The following GNPAT variants were observed in gnomAD, a reference collection of about 807,000 sequenced individuals.
GNPAT encodes the protein glyceronephosphate O-acyltransferase.
Under a neutral mutation model 78.4 loss-of-function variants are expected in GNPAT, and 30 were observed. The observed-to-expected ratio is 0.38, with a 90% CI of 0.29 to 0.52. The LOEUF (loss-of-function observed/expected upper bound fraction) is 0.52. Among genes scored for constraint, GNPAT ranks in the 20% least tolerant of loss-of-function variants. The pLI is 0.84. For missense variants in GNPAT, 714 were observed against 812.2 expected, an observed-to-expected ratio of 0.88 and a Z score of 1.47; for synonymous variants, 271 against 281.1, an observed-to-expected ratio of 0.96 and a Z score of 0.36.
intron 10 of GNPAT, 81 bp from the exon 11 acceptor site, chr1:231,272,231 T>A: frequency 1.3e-6 from 1 of 767,496 alleles, no homozygotes; most frequent in East Asian, 2.6e-5. Flanking sequence ...GAAATACATT[T>A]TGTGATAGTA....
rs1435793692 is a variant in GNPAT at position 231,270,832 on chromosome 1, C to G, written c.1354C>G (p.Gln452Glu). ...HSNIASLVKD[Q>E]VILKVDSGDS... ...CAACATTGCCAGCCTTGTCAAAGAC[C>G]AGGTGATTCTGAAAGTGGACTCCGG... The change falls in exon 10 of 16, where the codon CAG becomes GAG. Residue 452 changes from glutamine to glutamate, a missense_variant. Coordinates refer to ENST00000366647, the MANE Select transcript of GNPAT (RefSeq NM_014236.4). The G allele has an allele frequency of 1.9e-6, 3 of 1,613,966 alleles. No homozygotes were observed. In the South Asian group the frequency reaches 3.3e-5, roughly 18 times the overall value.
At chr1:231,257,585 GTTC>G (rs1208869966) in intron 2 of GNPAT, among the ~76,000 whole-genome samples, 4 of 152,198 alleles carry the variant, frequency 2.6e-5, no homozygotes, top group African/African-American at 9.6e-5. Context: ...TCTTTCATAA[GTTC>G]TTCTGTCTGC....
chr1:231,266,415 C>T lies in GNPAT; in HGVS notation c.1055+8C>T. 1 of 1,612,592 alleles carries T rather than the reference C, an allele frequency of 6.2e-7. No homozygotes were observed. Among genetic ancestry groups the T allele is most frequent in the Non-Finnish European group, 8.5e-7 (1 of 1,178,630 alleles). On this transcript the variant is annotated splice_region_variant and intron_variant, in intron 8 of 15. Coordinates refer to ENST00000366647, the MANE Select transcript of GNPAT (RefSeq NM_014236.4). ...ATATAACTTGGTTCCAAGGTGTGAC[C>T]TGTGTTTTAATAACTGTCTTAGAAA...
Position 231,268,256 on chromosome 1 carries a change from T to C in GNPAT, c.1279+353T>C, listed in dbSNP as rs531998990. 2.6e-5 allele frequency among the ~76,000 whole-genome samples: 4 copies of C among 152,052 alleles called. No individual in the cohort carries two copies. The South Asian group carries it at 8.3e-4, about 32-fold the overall frequency. Reference sequence around the variant, plus strand: ...AGGCGGAGCTTGCAGTGAGCCGAGATTGTGCCACTGCACTCCAGCTAGGCA... The same window carrying C: ...AGGCGGAGCTTGCAGTGAGCCGAGACTGTGCCACTGCACTCCAGCTAGGCA... On this transcript the variant is annotated intron_variant, in intron 9 of 15. Transcript: ENST00000366647.
intron 2 of GNPAT, 105 bp from the exon 3 acceptor site, chr1:231,260,402 T>C (rs1313669778): frequency 8.8e-6 from 7 of 799,282 alleles, no homozygotes; most frequent in African/African-American, 3.4e-5. Flanking sequence ...CTTTGAGTTA[T>C]AGAAGATTAA....
chr1:231,270,094 T>C (rs1685516254), intron 9 of GNPAT: 1 of 154,764 alleles, frequency 6.5e-6, no homozygotes, highest in Non-Finnish European at 1.4e-5. Context: ...TCAGGTTAAC[T>C]GCAGAATAAT....
rs1296725427 is a variant in GNPAT, at chr1:231,277,735, G to C, written c.*193G>C. ...CTCTTCCCCACCACAGTGGTTAAAA[G>C]GCGTTTGTATCTGACACTATGTGTG... is the stretch of plus-strand genomic sequence containing the variant. On this transcript the variant is annotated 3_prime_UTR_variant, in exon 16 of 16. Coordinates refer to ENST00000366647, the MANE Select transcript of GNPAT (RefSeq NM_014236.4). The C allele has an allele frequency of 2.6e-5, 15 of 587,600 alleles. No individual in the cohort carries two copies. The Admixed American group carries it at 4.4e-4, about 17-fold the overall frequency. 36.4% of individuals were successfully genotyped at this position (587,600 alleles called of 1,614,324 possible). A position where few individuals can be genotyped will look rare whatever the true frequency, so the allele number is the denominator to read the frequency against.
At chr1:231,249,161 C>G (rs1035388810) in intron 1 of GNPAT, among the ~76,000 whole-genome samples, 7 of 152,234 alleles carry the variant, frequency 4.6e-5, no homozygotes, top group Non-Finnish European at 1.0e-4. Flanking sequence ...CAAACTGATA[C>G]AACTATATAT....
chr1:231,242,494 A>C (rs1051303829), intron 1 of GNPAT, among the ~76,000 whole-genome samples: 2 of 152,188 alleles, frequency 1.3e-5, no homozygotes, highest in African/African-American at 4.8e-5. Flanking sequence ...CCTCTCTATC[A>C]AGACCTTTCG....
chr1:231,272,979 A>T (rs1408313012), intron 11 of GNPAT, among the ~76,000 whole-genome samples: 1 of 152,136 alleles, frequency 6.6e-6, no homozygotes, highest in East Asian at 1.9e-4. Context: ...CATCTCAAAA[A>T]AAAAGAAACC....
At chr1:231,271,552 G>C (rs1408688934) in intron 10 of GNPAT, among the ~76,000 whole-genome samples, 2 of 152,174 alleles carry the variant, frequency 1.3e-5, no homozygotes, top group Non-Finnish European at 2.9e-5. Context: ...GTTGACCTGG[G>C]GTATGGGCCA....
intron 1 of GNPAT, among the ~76,000 whole-genome samples, chr1:231,245,766 T>C (rs918168882): frequency 7.9e-5 from 12 of 152,158 alleles, no homozygotes; most frequent in Non-Finnish European, 1.6e-4. Flanking sequence ...GGTCGGGAGC[T>C]CGCGACCAGC....
chr1:231,261,034 A>G (rs1457146829), intron 3 of GNPAT, among the ~76,000 whole-genome samples: 1 of 152,240 alleles, frequency 6.6e-6, no homozygotes, highest in East Asian at 1.9e-4. Context: ...ATTCCCTTAC[A>G]GCATTTCCTT....
chr1:231,265,336 G>A lies in GNPAT; in HGVS notation c.612G>A (p.Ser204=), dbSNP rs772708367. 91 of 1,611,338 alleles carry A rather than the reference G, an allele frequency of 5.6e-5. No individual in the cohort carries two copies. The highest frequency in any genetic ancestry group is 5.5e-4 in the Admixed American group (33 of 59,998). The change falls in exon 5 of 16, where the codon TCG becomes TCA. Residue 204 remains serine (S), a synonymous_variant. Transcript: ENST00000366647. ...TGGTTGGTGAGCTGCTACGAATGTC[G>A]GGTGCCTTTTTCATGCGGCGTACCT... ...MKMVGELLRM[S]GAFFMRRTFG...
chr1:231,269,150 C>CA (rs1243972640), intron 9 of GNPAT, among the ~76,000 whole-genome samples: 7 of 151,822 alleles, frequency 4.6e-5, no homozygotes, highest in African/African-American at 1.7e-4. Flanking sequence ...GTTCAGTGAA[C>CA]AGAGACAAGG....
rs1288273301 is a variant in GNPAT at position 231,275,407 on chromosome 1, A to G, written c.1846A>G (p.Thr616Ala). ...CTCTTCCTCACCCCCAATTTTAGGT[A>G]CCTCTCAATGTTATGATGTATTATC... is the stretch of plus-strand genomic sequence containing the variant. ...KFTSQLLDQG[T>A]SQCYDVLSSD... Residue 616 changes from threonine to alanine, a missense_variant and splice_region_variant, in exon 14 of 16, where the codon ACC becomes GCC. Coordinates refer to ENST00000366647, the MANE Select transcript of GNPAT (RefSeq NM_014236.4). 6.2e-7 allele frequency: 1 copy of G among 1,605,306 alleles called. No homozygotes were observed. The highest frequency in any genetic ancestry group is 1.1e-5 in the South Asian group (1 of 90,886).
chr1:231,248,367 G>C (rs532758227), intron 1 of GNPAT, among the ~76,000 whole-genome samples: 3 of 151,942 alleles, frequency 2.0e-5, no homozygotes, highest in Admixed American at 2.0e-4. Context: ...ACTTCACATC[G>C]AGTAGGCTGA....
intron 1 of GNPAT, among the ~76,000 whole-genome samples, chr1:231,247,609 C>T (rs941213131): frequency 9.8e-5 from 15 of 152,286 alleles, no homozygotes; most frequent in Admixed American, 9.2e-4. Flanking sequence ...GTAAATGCCC[C>T]TCTCAATAAC....
At chr1:231,265,187 C>T (rs1408417097) in intron 4 of GNPAT, 106 bp from the exon 5 acceptor site, 1 of 902,784 alleles carries the variant, frequency 1.1e-6, no homozygotes, top group Non-Finnish European at 1.7e-6. Context: ...GACCCTGTCT[C>T]ATAAAATAAA....
Sources: gnomAD v4.1 joint callset for allele counts (sites outside exome capture counted in the v4.1 genomes callset) on GRCh38, gnomAD v4.1.1 for gene constraint, MANE v1.5 for transcripts, NCBI Gene and HGNC (gene_info 2026-07-23, HGNC 2026-07-21) for gene names.